MYO1E: variants seen among roughly 807,000 people sequenced by gnomAD.
MYO1E encodes unconventional myosin-Ie.
In MYO1E, 68 loss-of-function variants were observed where a neutral mutation model predicts 151.1. That is an observed-to-expected ratio of 0.45 (90% CI 0.37 to 0.55). MYO1E has a LOEUF of 0.55. Among genes scored for constraint, MYO1E ranks in the 20% least tolerant of loss-of-function variants. The pLI, the probability that MYO1E is intolerant of heterozygous loss-of-function variation, is 0.00. For missense variants in MYO1E, 1,363 were observed against 1,389.3 expected, an observed-to-expected ratio of 0.98 and a Z score of 0.30; for synonymous variants, 601 against 501.7, an observed-to-expected ratio of 1.20 and a Z score of -2.64.
At chr15:59,336,131 G>A (rs1157883867) in intron 1 of MYO1E, among the ~76,000 whole-genome samples, 2 of 152,146 alleles carry the variant, frequency 1.3e-5, no homozygotes, top group Admixed American at 1.3e-4. Flanking sequence ...AACATTTTGG[G>A]AGGCTGAAGC....
At chr15:59,357,981 T>C (rs1347570797) in intron 1 of MYO1E, among the ~76,000 whole-genome samples, 1 of 152,152 alleles carries the variant, frequency 6.6e-6, no homozygotes, top group East Asian at 1.9e-4. Context: ...TGGCAAGTGG[T>C]AGAATGTCAC....
intron 1 of MYO1E, among the ~76,000 whole-genome samples, chr15:59,294,605 G>C (rs1287708759): frequency 1.3e-5 from 2 of 152,174 alleles, no homozygotes; most frequent in Non-Finnish European, 2.9e-5. Context: ...AGGAACTCAA[G>C]GGAGAACACA....
chr15:59,158,311 C>T lies in MYO1E; in HGVS notation c.2854G>A (p.Val952Met). 1 of 1,577,104 alleles carries T rather than the reference C, an allele frequency of 6.3e-7. No individual in the cohort carries two copies. The highest frequency in any genetic ancestry group is 8.6e-7 in the Non-Finnish European group (1 of 1,159,248). ...SSGTQNANYP[V>M]RAAPPPPGYH... ...CCTGGGGGAGGAGGGGCAGCTCTCA[C>T]TGGGTAGTTGGCATTTTGAGTCCCA... Residue 952 changes from valine (V) to methionine (M), a missense_variant, in exon 25 of 28, where the codon GTG becomes ATG. Coordinates refer to ENST00000288235, the MANE Select transcript of MYO1E (RefSeq NM_004998.4).
chr15:59,227,384 A>G (rs1235842039), intron 7 of MYO1E, 75 bp downstream of exon 7: 18 of 1,558,790 alleles, frequency 1.2e-5, no homozygotes, highest in Non-Finnish European at 1.6e-5. Context: ...ACTATAGTCT[A>G]TGCCTGAAGT....
intron 1 of MYO1E, among the ~76,000 whole-genome samples, chr15:59,282,261 A>G (rs922595320): frequency 1.4e-4 from 21 of 152,136 alleles, no homozygotes; most frequent in African/African-American, 3.9e-4. Flanking sequence ...AACCTACCCT[A>G]TGTTTGTGTT....
At chr15:59,271,745 C>A (rs185869084) in intron 2 of MYO1E, among the ~76,000 whole-genome samples, 12 of 152,334 alleles carry the variant, frequency 7.9e-5, no homozygotes, top group Non-Finnish European at 1.6e-4. Context: ...GAAAAACTGG[C>A]AACATTTTTA....
Position 59,236,631 on chromosome 15 carries a change from A to G in MYO1E, c.374T>C (p.Ile125Thr), listed in dbSNP as rs1211818226. 2.5e-6 allele frequency: 4 copies of G among 1,613,950 alleles called. No homozygotes were observed. Residue 125 changes from isoleucine to threonine, a missense_variant, in exon 5 of 28, where the codon ATC becomes ACC. Coordinates refer to ENST00000288235, the MANE Select transcript of MYO1E (RefSeq NM_004998.4). ...GAGKTVAAKYIMSYISRVSGG... is the reference protein window; with the variant it reads ...GAGKTVAAKYTMSYISRVSGG... ...AGACACTCTGGAGATGTAGCTCATG[A>G]TATATTTGGCAGCCACTGTTTTTCC... is the stretch of plus-strand genomic sequence containing the variant.
In MYO1E at chr15:59,178,167, C is replaced by T. The variant is rs2899644; in HGVS notation, c.2049+226G>A. ...CCACTCTCTGATGCCCCTTTTTCTA[C>T]CTGCTTAGTGCTCTGCAGGAAATGA... is the stretch of plus-strand genomic sequence containing the variant. On this transcript the variant is annotated intron_variant, in intron 19 of 27. Transcript: ENST00000288235. Among the ~76,000 whole-genome samples the T allele has an allele frequency of 0.29, 44,228 of 152,188 alleles. 7,018 individuals carry two copies. The highest frequency in any genetic ancestry group is 0.57 in the East Asian group (2,942 of 5,182).
intron 10 of MYO1E, among the ~76,000 whole-genome samples, chr15:59,216,782 G>T (rs953462349): frequency 6.8e-6 from 1 of 147,066 alleles, no homozygotes; most frequent in Middle Eastern, 3.5e-3. Flanking sequence ...AAAAGTTTTT[G>T]ATATTCCTTC....
chr15:59,356,434 C>A (rs8024396), intron 1 of MYO1E, among the ~76,000 whole-genome samples: 24,132 of 152,038 alleles, frequency 0.16, 2,191 homozygotes, highest in East Asian at 0.29. Flanking sequence ...TGAGTACCCA[C>A]GAGCAGCAGT....
At chr15:59,149,255 ACCG>A (rs2079462209) in intron 26 of MYO1E, among the ~76,000 whole-genome samples, 1 of 151,876 alleles carries the variant, frequency 6.6e-6, no homozygotes, top group Non-Finnish European at 1.5e-5. Flanking sequence ...ACGGGGTTTC[ACCG>A]TGTTAATCAG....
At chr15:59,372,047 C>T (rs1348688236) in intron 1 of MYO1E, among the ~76,000 whole-genome samples, 2 of 150,324 alleles carry the variant, frequency 1.3e-5, no homozygotes, top group East Asian at 2.0e-4. Flanking sequence ...AGGGAGTCGG[C>T]GCGAGGGTGC....
chr15:59,359,313 A>ATAAT (rs1567024467), intron 1 of MYO1E, among the ~76,000 whole-genome samples: 7 of 137,252 alleles, frequency 5.1e-5, no homozygotes, highest in Non-Finnish European at 7.9e-5. Flanking sequence ...ATATATATAT[A>ATAAT]ATATATATAT....
intron 1 of MYO1E, among the ~76,000 whole-genome samples, chr15:59,317,090 T>G (rs1251300459): frequency 1.4e-4 from 21 of 152,222 alleles, no homozygotes; most frequent in Admixed American, 1.4e-3. Context: ...AAAAGGGGCA[T>G]GTACATTCCA....
At chr15:59,307,481 G>C (rs2080521513) in intron 1 of MYO1E, among the ~76,000 whole-genome samples, 1 of 152,186 alleles carries the variant, frequency 6.6e-6, no homozygotes, top group Admixed American at 6.5e-5. Flanking sequence ...CGTTAATCCT[G>C]CTTATAATTC....
intron 2 of MYO1E, among the ~76,000 whole-genome samples, chr15:59,261,992 AGGAGCTC>A (rs1252541890): frequency 6.6e-6 from 1 of 152,126 alleles, no homozygotes; most frequent in African/African-American, 2.4e-5. Flanking sequence ...ATTTGAGGTC[AGGAGCTC>A]GAGACTAGCC....
chr15:59,290,103 T>C (rs1324240707), intron 1 of MYO1E, among the ~76,000 whole-genome samples: 1 of 152,226 alleles, frequency 6.6e-6, no homozygotes, highest in Non-Finnish European at 1.5e-5. Context: ...GGAGGTACTG[T>C]GATCCCCATT....
chr15:59,141,828 C>G (rs1260457572), intron 26 of MYO1E, among the ~76,000 whole-genome samples: 3 of 138,674 alleles, frequency 2.2e-5, no homozygotes, highest in Non-Finnish European at 4.6e-5. Context: ...AGGCTGGGTG[C>G]AGTGGCTCAC....
chr15:59,273,979 G>A (rs1229112082), intron 1 of MYO1E, among the ~76,000 whole-genome samples: 2 of 152,092 alleles, frequency 1.3e-5, no homozygotes, highest in African/African-American at 4.8e-5. Flanking sequence ...GGAAAAGGAG[G>A]CTTTTTGAGA....
Sources: allele counts gnomAD v4.1 joint callset (sites outside exome capture counted in the v4.1 genomes callset), GRCh38; gene constraint gnomAD v4.1.1; transcripts MANE v1.5; gene names NCBI Gene and HGNC (gene_info 2026-07-23, HGNC 2026-07-21).